Variants in MICAL3 observed in about 807,000 individuals in gnomAD.
MICAL3 encodes [F-actin]-monooxygenase MICAL3.
Under a neutral mutation model 207.4 loss-of-function variants are expected in MICAL3, and 62 were observed. The observed-to-expected ratio is 0.30, with a 90% CI of 0.24 to 0.37. MICAL3 has a LOEUF of 0.37. MICAL3 is among the 10% of genes least tolerant of loss of function. The pLI is 1.00. For synonymous variants in MICAL3, 1,077 were observed against 1,069.3 expected, an observed-to-expected ratio of 1.01 and a Z score of -0.14; for missense variants, 2,368 against 2,635.6, an observed-to-expected ratio of 0.90 and a Z score of 2.22.
intron 19 of MICAL3, chr22:17,864,361 C>T (rs4819639): frequency 0.25 from 311,862 of 1,261,206 alleles, 39,512 homozygotes; most frequent in East Asian, 0.32. Context: ...GCAGCCACAG[C>T]TCATCCACAC....
At chr22:17,871,610 G>C (rs1386743628) in intron 17 of MICAL3, among the ~76,000 whole-genome samples, 1 of 152,218 alleles carries the variant, frequency 6.6e-6, no homozygotes, top group Non-Finnish European at 1.5e-5. Flanking sequence ...AAATGACTTA[G>C]GTAAATGCAT....
At chr22:17,974,723 TA>T (rs5844339) in intron 1 of MICAL3, among the ~76,000 whole-genome samples, 23,367 of 106,056 alleles carry the variant, frequency 0.22, 2,018 homozygotes, top group Middle Eastern at 0.36. Context: ...GACTCCGTCT[TA>T]AAAAAAAAAA....
Position 17,896,875 on chromosome 22 carries a change from G to A in MICAL3, c.1055C>T (p.Pro352Leu), listed in dbSNP as rs370637218. Residue 352 changes from proline (P) to leucine (L), a missense_variant, in exon 8 of 32, where the codon CCG becomes CTG. Physicochemically the swap from Pro to Leu is moderately conservative, Grantham distance 98. Around this residue, in one of 4 missense-constraint regions of MICAL3, gnomAD observed 400 missense variants for 547.0 expected, o/e 0.73. Transcript: ENST00000441493. ...AADFSTQQQL[P>L]SLDFAINHYG... Reference sequence around the variant, plus strand: ...GTGATTGATGGCAAAATCCAGAGACGGCAGCTGCTGCTGGGTAGAGAAGTC... The same window carrying A: ...GTGATTGATGGCAAAATCCAGAGACAGCAGCTGCTGCTGGGTAGAGAAGTC... 1.2e-6 allele frequency: 2 copies of A among 1,614,088 alleles called. No homozygotes were observed. The highest frequency in any genetic ancestry group is 1.1e-5 in the South Asian group (1 of 91,072).
intron 1 of MICAL3, among the ~76,000 whole-genome samples, chr22:17,930,818 A>C (rs947100389): frequency 2.6e-5 from 4 of 152,228 alleles, no homozygotes; most frequent in African/African-American, 9.6e-5. Flanking sequence ...TGAAGGGCAG[A>C]GACACGGGCA....
intron 1 of MICAL3, among the ~76,000 whole-genome samples, chr22:17,928,864 C>T (rs916751230): frequency 1.5e-4 from 22 of 151,530 alleles, no homozygotes; most frequent in South Asian, 6.2e-4. Flanking sequence ...TCGTGATCTC[C>T]GCTCACTGCA....
intron 1 of MICAL3, among the ~76,000 whole-genome samples, chr22:17,989,464 C>A (rs1921415965): frequency 6.6e-6 from 1 of 152,156 alleles, no homozygotes; most frequent in Non-Finnish European, 1.5e-5. Flanking sequence ...TCCCACCACC[C>A]AGACAGAACC....
intron 1 of MICAL3, among the ~76,000 whole-genome samples, chr22:17,929,568 C>CTTTTTTTTTTTTTTTTTTTTTTTTTTT: frequency 9.2e-6 from 1 of 108,902 alleles, no homozygotes; most frequent in Non-Finnish European, 1.8e-5. Context: ...CTTTTCTTTT[C>CTTTTTTTTTTTTTTTTTTTTTTTTTTT]TTTTTTTTTT....
At chr22:17,827,808 G>C in intron 21 of MICAL3, 27 bp from the exon 22 acceptor site, 1 of 1,528,172 alleles carries the variant, frequency 6.5e-7, no homozygotes, top group Non-Finnish European at 8.8e-7. Context: ...AAGGGGTGGA[G>C]AAATGAGGTG....
chr22:17,864,585 A>C, intron 19 of MICAL3: 1 of 1,481,700 alleles, frequency 6.7e-7, no homozygotes, highest in Non-Finnish European at 8.9e-7. Context: ...GGCCGCCCTC[A>C]GGTGTGATGG....
In MICAL3 at chr22:17,871,823, G is replaced by A. The variant is rs1027671170; in HGVS notation, c.2428+14C>T. Reference sequence around the variant, plus strand: ...ACAGTTTCTCAGTGGGGCCGGAGGCGCAGGGTGTCTCACCATCCTCGATGT... The same window carrying A: ...ACAGTTTCTCAGTGGGGCCGGAGGCACAGGGTGTCTCACCATCCTCGATGT... On this transcript the variant is annotated intron_variant, in intron 17 of 31. Coordinates refer to ENST00000441493, the MANE Select transcript of MICAL3 (RefSeq NM_015241.3). 11 of 1,589,980 alleles carry A rather than the reference G, an allele frequency of 6.9e-6. No individual in the cohort carries two copies. The highest frequency in any genetic ancestry group is 6.7e-5 in the African/African-American group (5 of 74,682).
chr22:17,875,653 C>A, intron 16 of MICAL3: 15 of 427,600 alleles, frequency 3.5e-5, no homozygotes, highest in East Asian at 7.2e-5. Flanking sequence ...GCCTTTTACT[C>A]TAGACCTTTA....
intron 1 of MICAL3, among the ~76,000 whole-genome samples, chr22:18,020,956 AT>A (rs1218975304): frequency 2.0e-5 from 3 of 148,090 alleles, no homozygotes; most frequent in Non-Finnish European, 3.0e-5. Flanking sequence ...AAATAAATAA[AT>A]AAATAAATAA....
At chr22:17,976,990 T>C (rs1935687661) in intron 1 of MICAL3, among the ~76,000 whole-genome samples, 1 of 151,932 alleles carries the variant, frequency 6.6e-6, no homozygotes, top group Non-Finnish European at 1.5e-5. Flanking sequence ...GTATTTTTAG[T>C]AGAGACGGGG....
chr22:17,920,151 A>T (rs1932765462), intron 1 of MICAL3, among the ~76,000 whole-genome samples: 2 of 152,244 alleles, frequency 1.3e-5, no homozygotes, highest in Non-Finnish European at 2.9e-5. Flanking sequence ...GGCAAGTGAG[A>T]GGGAAAGCTG....
chr22:17,803,966 G>T (rs935639820), intron 29 of MICAL3: 1 of 443,782 alleles, frequency 2.3e-6, no homozygotes, highest in Non-Finnish European at 3.0e-6. Context: ...GATATGGAGC[G>T]CAAGAAACAC....
At chr22:17,901,090 G>A in intron 5 of MICAL3, 93 bp from the exon 6 acceptor site, 1 of 1,244,000 alleles carries the variant, frequency 8.0e-7, no homozygotes, top group Non-Finnish European at 1.2e-6. Context: ...AGACAACAGG[G>A]AAAGTCAGGG....
chr22:17,820,318 T>A (rs1485692190), intron 25 of MICAL3, among the ~76,000 whole-genome samples: 3 of 152,188 alleles, frequency 2.0e-5, no homozygotes, highest in Non-Finnish European at 4.4e-5. Flanking sequence ...GCATTCTCCA[T>A]GTGGTTCACA....
Position 17,849,280 on chromosome 22 carries a change from T to A in MICAL3, c.2606-7263A>T, listed in dbSNP as rs190140207. On this transcript the variant is annotated intron_variant, in intron 19 of 31. Coordinates refer to ENST00000441493, the MANE Select transcript of MICAL3 (RefSeq NM_015241.3). Reference sequence around the variant, plus strand: ...TGAATAACATGTCCAAAGACTCACATGAGCCAGAGCTAAGGATAACCCTAG... The same window carrying A: ...TGAATAACATGTCCAAAGACTCACAAGAGCCAGAGCTAAGGATAACCCTAG... 1.8e-3 allele frequency among the ~76,000 whole-genome samples: 270 copies of A among 152,352 alleles called. 2 individuals carry two copies. The highest frequency in any genetic ancestry group is 3.1e-3 in the Non-Finnish European group (213 of 68,030).
intron 17 of MICAL3, among the ~76,000 whole-genome samples, chr22:17,869,913 C>T (rs5747385): frequency 0.22 from 33,864 of 152,090 alleles, 3,990 homozygotes; most frequent in East Asian, 0.3. Flanking sequence ...GTTACTTCCT[C>T]CTGCCACAAC....
Sources: gnomAD v4.1 joint callset for allele counts (sites outside exome capture counted in the v4.1 genomes callset) on GRCh38, gnomAD v4.1.1 for gene constraint, gnomAD v4.1.1 regional missense constraint, MANE v1.5 for transcripts, NCBI Gene and HGNC (gene_info 2026-07-23, HGNC 2026-07-21) for gene names.